The following CAMK2N1 variants were observed in gnomAD, a reference collection of about 807,000 sequenced individuals.
The protein encoded by CAMK2N1 is calcium/calmodulin dependent protein kinase II inhibitor 1, also known as calcium/calmodulin-dependent protein kinase II inhibitor 1.
In CAMK2N1, 2 loss-of-function variants were observed where a neutral mutation model predicts 6.4. That is an observed-to-expected ratio of 0.31 (90% CI 0.13 to 0.98). The LOEUF is 0.98. Among genes scored for constraint, CAMK2N1 ranks in the 50% least tolerant of loss-of-function variants. CAMK2N1 has a pLI of 0.51. For synonymous variants in CAMK2N1, 42 were observed against 47.5 expected, an observed-to-expected ratio of 0.88 and a Z score of 0.47; for missense variants, 77 against 107.3, an observed-to-expected ratio of 0.72 and a Z score of 1.25.
At chr1:20,483,751 C>A (rs373097619) in intron 1 of CAMK2N1, 32 bp from the exon 2 acceptor site, 1 of 1,590,020 alleles carries the variant, frequency 6.3e-7, no homozygotes, top group East Asian at 2.2e-5. Flanking sequence ...GAGAGGTGAG[C>A]GCGCTGGGGC....
At position 20,485,438 on chromosome 1, in the gene CAMK2N1, G is replaced by T; in HGVS notation, c.-59C>A. Reference sequence around the variant, plus strand: ...TCCGCCCGCGTCCCCGCCCGCGGCGGACAGGGTCAGCGGCGCTGGGGCCGG... The same window carrying T: ...TCCGCCCGCGTCCCCGCCCGCGGCGTACAGGGTCAGCGGCGCTGGGGCCGG... On this transcript the variant is annotated 5_prime_UTR_variant, in exon 1 of 2. Transcript: ENST00000375078. The surrounding 1 kb of genome is among the most constrained non-coding windows in gnomAD (Gnocchi z 8.4). The T allele has an allele frequency of 8.3e-7, 1 of 1,200,300 alleles. No individual in the cohort carries two copies. The highest frequency in any genetic ancestry group is 1.0e-6 in the Non-Finnish European group (1 of 961,514). The allele number at this position is 1,200,300 out of a possible 1,614,324, so 74.4% of individuals were successfully genotyped here. A position where few individuals can be genotyped will look rare whatever the true frequency, so the allele number is the denominator to read the frequency against.
Position 20,484,479 on chromosome 1 carries a change from G to T in CAMK2N1, c.166+735C>A, listed in dbSNP as rs557101809. 408 of 152,332 alleles carry T rather than the reference G, an allele frequency of 2.7e-3. 2 individuals carry two copies. The highest frequency in any genetic ancestry group is 2.8e-3 in the Non-Finnish European group (192 of 68,088). 9.4% of individuals were successfully genotyped at this position (152,332 alleles called of 1,614,324 possible). A position where few individuals can be genotyped will look rare whatever the true frequency, so the allele number is the denominator to read the frequency against. Reference sequence around the variant, plus strand: ...GTCTAAGGTGTCGGTCGCCCTTATTGTTTCGGCGGCTTCTGCGTCCTCCCC... The same window carrying T: ...GTCTAAGGTGTCGGTCGCCCTTATTTTTTCGGCGGCTTCTGCGTCCTCCCC... On this transcript the variant is annotated intron_variant, in intron 1 of 1. Coordinates refer to ENST00000375078, the MANE Select transcript of CAMK2N1 (RefSeq NM_018584.6). This position sits in a 1 kb window ranked among gnomAD's most constrained non-coding sequence, Gnocchi z 6.8.
Position 20,485,307 on chromosome 1 carries a change from A to G in CAMK2N1, c.73T>C (p.Phe25Leu). Residue 25 changes from phenylalanine to leucine, a missense_variant, in exon 1 of 2, where the codon TTC becomes CTC. Phe to Leu is a conservative substitution (Grantham distance 22). Transcript: ENST00000375078. The surrounding 1 kb of genome is among the most constrained non-coding windows in gnomAD (Gnocchi z 8.4). ...TTGGTGTCCTGCAGGCGGCAGGAGA[A>G]GATCTGGCCCACGTCGCCGCCGTCG... ...YGDGGDVGQI[F>L]SCRLQDTNNF... 6.3e-7 allele frequency: 1 copy of G among 1,592,962 alleles called. No homozygotes were observed. The highest frequency in any genetic ancestry group is 2.3e-5 in the East Asian group (1 of 43,444).
Position 20,485,423 on chromosome 1 carries a change from T to G in CAMK2N1, c.-44A>C. The G allele has an allele frequency of 8.1e-7, 1 of 1,238,696 alleles. No homozygotes were observed. Among genetic ancestry groups the G allele is most frequent in the African/African-American group, 1.6e-5 (1 of 63,146 alleles). 76.7% of individuals were successfully genotyped at this position (1,238,696 alleles called of 1,614,324 possible). A position where few individuals can be genotyped will look rare whatever the true frequency, so the allele number is the denominator to read the frequency against. On this transcript the variant is annotated 5_prime_UTR_variant, in exon 1 of 2. Transcript: ENST00000375078. The surrounding 1 kb of genome is among the most constrained non-coding windows in gnomAD (Gnocchi z 8.4). The stretch of plus-strand genomic sequence containing the variant: ...CGCCGCGGCGCCTCCTCCGCCCGCG[T>G]CCCCGCCCGCGGCGGACAGGGTCAG...
chr1:20,485,156 T>A lies in CAMK2N1; in HGVS notation c.166+58A>T, dbSNP rs1349238380. The A allele has an allele frequency of 6.5e-7, 1 of 1,527,648 alleles. No individual in the cohort carries two copies. Among genetic ancestry groups the A allele is most frequent in the African/African-American group, 1.4e-5 (1 of 72,026 alleles). The allele number at this position is 1,527,648 out of a possible 1,614,324, so 94.6% of individuals were successfully genotyped here. A position where few individuals can be genotyped will look rare whatever the true frequency, so the allele number is the denominator to read the frequency against. On this transcript the variant is annotated intron_variant, in intron 1 of 1. Transcript: ENST00000375078. The surrounding 1 kb of genome is among the most constrained non-coding windows in gnomAD (Gnocchi z 8.4). ...AGCGGGTGGGAGACCTCCGCAACCCTTGTTCAGGCCGCGGCGCGGGAAAAA... is the reference window on the plus strand; with the variant it reads ...AGCGGGTGGGAGACCTCCGCAACCCATGTTCAGGCCGCGGCGCGGGAAAAA...
In CAMK2N1 at chr1:20,484,035, G is replaced by T. The variant is rs1473626059; in HGVS notation, c.167-316C>A. 6.6e-6 allele frequency among the ~76,000 whole-genome samples: 1 copy of T among 152,236 alleles called. No homozygotes were observed. The highest frequency in any genetic ancestry group is 2.4e-5 in the African/African-American group (1 of 41,464). Reference sequence around the variant, plus strand: ...GGCCCGCGTCCTCCCCGCACCAGGCGCACTAATTTAGACAGAAATGTCTGG... The same window carrying T: ...GGCCCGCGTCCTCCCCGCACCAGGCTCACTAATTTAGACAGAAATGTCTGG... On this transcript the variant is annotated intron_variant, in intron 1 of 1. Transcript: ENST00000375078. This position sits in a 1 kb window ranked among gnomAD's most constrained non-coding sequence, Gnocchi z 6.8.
rs1212135265 is a variant in CAMK2N1 at position 20,483,385 on chromosome 1, T to C, written c.*264A>G. On this transcript the variant is annotated 3_prime_UTR_variant, in exon 2 of 2. Coordinates refer to ENST00000375078, the MANE Select transcript of CAMK2N1 (RefSeq NM_018584.6). ...AGACTTCTTTTTATTTCTTTATATG[T>C]GTATATAGTGAATTTTTATTATTTT... 3 of 203,774 alleles carry C rather than the reference T, an allele frequency of 1.5e-5. No individual in the cohort carries two copies. Among genetic ancestry groups the C allele is most frequent in the Non-Finnish European group, 2.9e-5 (3 of 103,796 alleles). 12.6% of individuals were successfully genotyped at this position (203,774 alleles called of 1,614,324 possible).
chr1:20,486,090 G>A lies in CAMK2N1; in HGVS notation c.-711C>T. The A allele has an allele frequency of 6.5e-6, 1 of 153,584 alleles. No homozygotes were observed. The highest frequency in any genetic ancestry group is 1.4e-5 in the Non-Finnish European group (1 of 69,030). The allele number at this position is 153,584 out of a possible 1,614,324, so 9.5% of individuals were successfully genotyped here. On this transcript the variant is annotated 5_prime_UTR_variant, in exon 1 of 2. Coordinates refer to ENST00000375078, the MANE Select transcript of CAMK2N1 (RefSeq NM_018584.6). The surrounding 1 kb of genome is among the most constrained non-coding windows in gnomAD (Gnocchi z 6.5). ...TAGAACGGAGAGACAGGGGAAAGAT[G>A]AGAGGAGGAGGGAAAGGATCGGGAG...
chr1:20,485,707 G>T lies in CAMK2N1; in HGVS notation c.-328C>A. 6.6e-6 allele frequency: 1 copy of T among 151,714 alleles called. No homozygotes were observed. The highest frequency in any genetic ancestry group is 1.8e-4 in the South Asian group (1 of 5,552). 9.4% of individuals were successfully genotyped at this position (151,714 alleles called of 1,614,324 possible). ...GCCGGGCCGGGCGGGGCCGCGAGCC[G>T]GGAGGGAGGAGACGTCCCTGCGAGC... On this transcript the variant is annotated 5_prime_UTR_variant, in exon 1 of 2. Transcript: ENST00000375078. This position sits in a 1 kb window ranked among gnomAD's most constrained non-coding sequence, Gnocchi z 8.4.
In CAMK2N1 at chr1:20,485,384, G is replaced by C; in HGVS notation, c.-5C>G. On this transcript the variant is annotated 5_prime_UTR_variant, in exon 1 of 2. Coordinates refer to ENST00000375078, the MANE Select transcript of CAMK2N1 (RefSeq NM_018584.6). The surrounding 1 kb of genome is among the most constrained non-coding windows in gnomAD (Gnocchi z 8.4). ...GTAGGGCAGCACCTCCGACATGGTC[G>C]CGTCCGGGGGCTCCGCCGCGGCGCC... The C allele has an allele frequency of 7.5e-7, 1 of 1,326,216 alleles. No individual in the cohort carries two copies. The highest frequency in any genetic ancestry group is 9.7e-7 in the Non-Finnish European group (1 of 1,033,482). 82.2% of individuals were successfully genotyped at this position (1,326,216 alleles called of 1,614,324 possible).
At position 20,484,493 on chromosome 1, in the gene CAMK2N1, T is replaced by TGCGTCCTCCCCAAACGC. The variant is rs1484544462; in HGVS notation, c.166+704_166+720dup. 6.6e-6 allele frequency: 1 copy of TGCGTCCTCCCCAAACGC among 152,134 alleles called. No homozygotes were observed. Among genetic ancestry groups the TGCGTCCTCCCCAAACGC allele is most frequent in the East Asian group, 1.9e-4 (1 of 5,152 alleles). 9.4% of individuals were successfully genotyped at this position (152,134 alleles called of 1,614,324 possible). ...TCGCCCTTATTGTTTCGGCGGCTTCTGCGTCCTCCCCAAACGCGCGTCCTC... is the reference window on the plus strand; with the variant it reads ...TCGCCCTTATTGTTTCGGCGGCTTCTGCGTCCTCCCCAAACGCGCGTCCTCCCCAAACGCGCGTCCTC... On this transcript the variant is annotated intron_variant, in intron 1 of 1. Transcript: ENST00000375078. The surrounding 1 kb of genome is among the most constrained non-coding windows in gnomAD (Gnocchi z 6.8).
At position 20,485,485 on chromosome 1, in the gene CAMK2N1, C is replaced by G. The variant is rs1475427545; in HGVS notation, c.-106G>C. ...CCGGGGGCGGCCGGCCGGGGACGGC[C>G]CGCGGGCTGCTGCGGCGGTGGCGCC... On this transcript the variant is annotated 5_prime_UTR_variant, in exon 1 of 2. Transcript: ENST00000375078. The surrounding 1 kb of genome is among the most constrained non-coding windows in gnomAD (Gnocchi z 8.4). The G allele has an allele frequency of 1.3e-6, 1 of 799,732 alleles. No homozygotes were observed. Among genetic ancestry groups the G allele is most frequent in the African/African-American group, 1.9e-5 (1 of 53,146 alleles). The allele number at this position is 799,732 out of a possible 1,614,324, so 49.5% of individuals were successfully genotyped here.
rs1047946337 is a variant in CAMK2N1, at chr1:20,485,553, T to G, written c.-174A>C. 4 of 251,906 alleles carry G rather than the reference T, an allele frequency of 1.6e-5. No homozygotes were observed. The highest frequency in any genetic ancestry group is 2.5e-5 in the Non-Finnish European group (4 of 162,138). 15.6% of individuals were successfully genotyped at this position (251,906 alleles called of 1,614,324 possible). On this transcript the variant is annotated 5_prime_UTR_variant, in exon 1 of 2. Transcript: ENST00000375078. The surrounding 1 kb of genome is among the most constrained non-coding windows in gnomAD (Gnocchi z 8.4). ...CGCCGCTAGGGCAAGAGCGCGGCACTCGCGCGAGCGGCCCGGAGAGCGCCC... is the reference window on the plus strand; with the variant it reads ...CGCCGCTAGGGCAAGAGCGCGGCACGCGCGCGAGCGGCCCGGAGAGCGCCC...
rs1319489944 is a variant in CAMK2N1, at chr1:20,485,224, C to T, written c.156G>A (p.Arg52=). 1 of 1,596,162 alleles carries T rather than the reference C, an allele frequency of 6.3e-7. No individual in the cohort carries two copies. The change falls in exon 1 of 2, where the codon CGG becomes CGA. Residue 52 remains arginine (R), a synonymous_variant. Transcript: ENST00000375078. The surrounding 1 kb of genome is among the most constrained non-coding windows in gnomAD (Gnocchi z 8.4). The part of the protein sequence containing the change: ...KRPPKLGQIG[R]SKRVVIEDDR... ...GGGCCGCGAACTCACCCCGCTTGCT[C>T]CGGCCGATCTGGCCCAGCTTGGGCG...
At position 20,484,955 on chromosome 1, in the gene CAMK2N1, CT is replaced by C. The variant is rs1272580089; in HGVS notation, c.166+258del. Among the ~76,000 whole-genome samples the C allele has an allele frequency of 2.6e-5, 4 of 152,170 alleles. No individual in the cohort carries two copies. The highest frequency in any genetic ancestry group is 9.6e-5 in the African/African-American group (4 of 41,454). ...TGGGGGGCGCAAATCAAAAAGCAAA[CT>C]TTGCCGCGCGGGTGGAGACCCCCAG... On this transcript the variant is annotated intron_variant, in intron 1 of 1. Transcript: ENST00000375078. The surrounding 1 kb of genome is among the most constrained non-coding windows in gnomAD (Gnocchi z 6.8).
chr1:20,485,431 C>T lies in CAMK2N1; in HGVS notation c.-52G>A. The T allele has an allele frequency of 2.4e-6, 3 of 1,225,220 alleles. No homozygotes were observed. The highest frequency in any genetic ancestry group is 3.1e-6 in the Non-Finnish European group (3 of 977,344). The allele number at this position is 1,225,220 out of a possible 1,614,324, so 75.9% of individuals were successfully genotyped here. On this transcript the variant is annotated 5_prime_UTR_variant, in exon 1 of 2. Coordinates refer to ENST00000375078, the MANE Select transcript of CAMK2N1 (RefSeq NM_018584.6). This position sits in a 1 kb window ranked among gnomAD's most constrained non-coding sequence, Gnocchi z 8.4. ...CGCCTCCTCCGCCCGCGTCCCCGCC[C>T]GCGGCGGACAGGGTCAGCGGCGCTG...
rs757800387 is a variant in CAMK2N1, at chr1:20,485,290, C to T, written c.90G>A (p.Gln30=). The change falls in exon 1 of 2, where the codon CAG becomes CAA. Residue 30 remains glutamine, a synonymous_variant. Coordinates refer to ENST00000375078, the MANE Select transcript of CAMK2N1 (RefSeq NM_018584.6). The surrounding 1 kb of genome is among the most constrained non-coding windows in gnomAD (Gnocchi z 8.4). ...DVGQIFSCRL[Q]DTNNFFGAGQ... is the part of the protein sequence containing the mutation. ...CGGCGCCGAAGAAGTTGTTGGTGTCCTGCAGGCGGCAGGAGAAGATCTGGC... is the reference window on the plus strand; with the variant it reads ...CGGCGCCGAAGAAGTTGTTGGTGTCTTGCAGGCGGCAGGAGAAGATCTGGC... 3.8e-6 allele frequency: 6 copies of T among 1,597,594 alleles called. No individual in the cohort carries two copies. The African/African-American group carries it at 6.7e-5, about 18-fold the overall frequency.
At position 20,483,486 on chromosome 1, in the gene CAMK2N1, C is replaced by T. The variant is rs772507380; in HGVS notation, c.*163G>A. On this transcript the variant is annotated 3_prime_UTR_variant, in exon 2 of 2. Transcript: ENST00000375078. ...CTTCTCCTCCTCCTCCTCCTCCTCT[C>T]GCCTCATCTGTCTCCCGGCCTGATA... 14 of 596,754 alleles carry T rather than the reference C, an allele frequency of 2.3e-5. No individual in the cohort carries two copies. The highest frequency in any genetic ancestry group is 3.9e-5 in the Non-Finnish European group (13 of 330,162). The allele number at this position is 596,754 out of a possible 1,614,324, so 37.0% of individuals were successfully genotyped here. A position where few individuals can be genotyped will look rare whatever the true frequency, so the allele number is the denominator to read the frequency against.
At position 20,483,511 on chromosome 1, in the gene CAMK2N1, A is replaced by T; in HGVS notation, c.*138T>A. 2 of 731,860 alleles carry T rather than the reference A, an allele frequency of 2.7e-6. No homozygotes were observed. Among genetic ancestry groups the T allele is most frequent in the South Asian group, 3.3e-5 (2 of 59,932 alleles). 45.3% of individuals were successfully genotyped at this position (731,860 alleles called of 1,614,324 possible). A position where few individuals can be genotyped will look rare whatever the true frequency, so the allele number is the denominator to read the frequency against. Reference sequence around the variant, plus strand: ...CGCCTCATCTGTCTCCCGGCCTGATACCAGATACAGGTTGTTGATTTCATC... The same window carrying T: ...CGCCTCATCTGTCTCCCGGCCTGATTCCAGATACAGGTTGTTGATTTCATC... On this transcript the variant is annotated 3_prime_UTR_variant, in exon 2 of 2. Coordinates refer to ENST00000375078, the MANE Select transcript of CAMK2N1 (RefSeq NM_018584.6).
Sources: gnomAD v4.1 joint callset for allele counts (sites outside exome capture counted in the v4.1 genomes callset) on GRCh38, gnomAD v4.1.1 for gene constraint, Gnocchi (gnomAD v3.1) non-coding constraint, MANE v1.5 for transcripts, NCBI Gene and HGNC (gene_info 2026-07-23, HGNC 2026-07-21) for gene names.